COL27A1: variants seen among roughly 807,000 people sequenced by gnomAD.
COL27A1 encodes collagen type XXVII alpha 1 chain, also known as collagen alpha-1(XXVII) chain.
COL27A1 carries 106 observed loss-of-function variants against 251.3 expected under a neutral mutation model. That is an observed-to-expected ratio of 0.42 (90% confidence interval 0.36 to 0.50). The LOEUF is 0.50. Among genes scored for constraint, COL27A1 ranks in the 20% least tolerant of loss-of-function variants. The probability of loss-of-function intolerance (pLI) is 0.00; values close to 1 mark genes in which losing one functional copy is unlikely to be tolerated. For synonymous variants in COL27A1, 1,000 were observed against 986.3 expected (o/e 1.01, Z -0.26); for missense variants, 2,325 against 2,522.8 (o/e 0.92, Z 1.68).
chr9:114,310,761 C>G lies in COL27A1; in HGVS notation c.*66C>G. The G allele has an allele frequency of 6.4e-7, 1 of 1,569,652 alleles. No homozygotes were observed. The highest frequency in any genetic ancestry group is 1.1e-5 in the South Asian group (1 of 88,776). On this transcript the variant is annotated 3_prime_UTR_variant, in exon 61 of 61. Coordinates refer to ENST00000356083, the MANE Select transcript of COL27A1 (RefSeq NM_032888.4). ...AAGAGGAAGAGGCAAGGGGAGGGTA[C>G]TGAGGGGCAGATGGCTCCAGGAGAG... is the stretch of plus-strand genomic sequence containing the variant.
intron 10 of COL27A1, among the ~76,000 whole-genome samples, chr9:114,208,878 G>A (rs1166364930): frequency 2.0e-5 from 3 of 152,224 alleles, no homozygotes; most frequent in African/African-American, 7.2e-5. Context: ...AAGTCATGAG[G>A]GATGGGAAGG....
At chr9:114,158,077 C>T (rs1234429394) in intron 1 of COL27A1, among the ~76,000 whole-genome samples, 1 of 152,194 alleles carries the variant, frequency 6.6e-6, no homozygotes, top group African/African-American at 2.4e-5. Context: ...GAAGAAAGCC[C>T]AGGCATAGCC....
chr9:114,293,888 A>G (rs976169502), intron 49 of COL27A1, among the ~76,000 whole-genome samples: 14 of 152,204 alleles, frequency 9.2e-5, no homozygotes, highest in Non-Finnish European at 1.8e-4. Context: ...AGCTTCCCAC[A>G]AAGGAAACTC....
intron 28 of COL27A1, among the ~76,000 whole-genome samples, chr9:114,262,831 C>T (rs1834440634): frequency 2.0e-5 from 3 of 152,038 alleles, no homozygotes; most frequent in Non-Finnish European, 2.9e-5. Context: ...CAGTGGGGTG[C>T]TCTTTAAGGC....
At position 114,168,708 on chromosome 9, in the gene COL27A1, C is replaced by T. The variant is rs1434809948; in HGVS notation, c.1153C>T (p.Pro385Ser). 1.9e-6 allele frequency: 3 copies of T among 1,614,098 alleles called. No homozygotes were observed. In the East Asian group the frequency reaches 6.7e-5, roughly 36 times the overall value. ...TACTTCAATTGTGCCCATCAAAAGC[C>T]CCCATCCTACCCAGAAAACAGCTCC... is the stretch of plus-strand genomic sequence containing the variant. The part of the protein sequence containing the change: ...PSTSIVPIKS[P>S]HPTQKTAPSS... The change falls in exon 3 of 61, where the codon CCC (proline) becomes TCC (serine). Residue 385 changes from proline to serine, a missense_variant. Around this residue, in one of 4 missense-constraint regions of COL27A1, gnomAD observed 1,183 missense variants for 1,144.1 expected, o/e 1.03. Transcript: ENST00000356083.
intron 7 of COL27A1, among the ~76,000 whole-genome samples, chr9:114,202,307 G>A (rs1432937022): frequency 6.6e-6 from 1 of 152,164 alleles, no homozygotes; most frequent in Non-Finnish European, 1.5e-5. Context: ...ATGGCCAAGG[G>A]CCCCCTGGAC....
chr9:114,186,431 C>T (rs892305215), intron 5 of COL27A1, among the ~76,000 whole-genome samples: 2 of 152,140 alleles, frequency 1.3e-5, no homozygotes, highest in Non-Finnish European at 2.9e-5. Flanking sequence ...TAGAGGTGAG[C>T]GAGAAAGCAA....
At chr9:114,183,215 G>C (rs950268585) in intron 5 of COL27A1, 140 bp downstream of exon 5, 1 of 781,214 alleles carries the variant, frequency 1.3e-6, no homozygotes, top group African/African-American at 1.7e-5. Context: ...CACCCTCTGG[G>C]CCCCTTTCCA....
chr9:114,183,628 G>GT (rs994627188), intron 5 of COL27A1, among the ~76,000 whole-genome samples: 6 of 152,100 alleles, frequency 3.9e-5, no homozygotes, highest in African/African-American at 1.4e-4. Context: ...ACACCAGACA[G>GT]TTTTTACCTC....
rs971608295 is a variant in COL27A1, at chr9:114,205,921, G to A, written c.2223+109G>A. On this transcript the variant is annotated intron_variant, in intron 9 of 60. Coordinates refer to ENST00000356083, the MANE Select transcript of COL27A1 (RefSeq NM_032888.4). ...GGCTGGGGGCCAAGGAGCTGCACCT[G>A]CTGGGTGGACCCTAAGGAGGGGGCT... 83 of 999,826 alleles carry A rather than the reference G, an allele frequency of 8.3e-5. No homozygotes were observed. The East Asian group carries it at 1.9e-3, about 23-fold the overall frequency. 61.9% of individuals were successfully genotyped at this position (999,826 alleles called of 1,614,324 possible).
chr9:114,230,984 C>T, intron 14 of COL27A1, 95 bp from the exon 15 acceptor site: 1 of 1,018,630 alleles, frequency 9.8e-7, no homozygotes, highest in African/African-American at 1.6e-5. Context: ...CTTTGGAAGC[C>T]CAGGCCCAGG....
At chr9:114,284,281 A>C (rs114407519) in intron 40 of COL27A1, among the ~76,000 whole-genome samples, 2,519 of 152,302 alleles carry the variant, frequency 0.017, 68 homozygotes, top group African/African-American at 0.057. Context: ...GTCTGGAAGA[A>C]ATGCAGCAGG....
intron 28 of COL27A1, among the ~76,000 whole-genome samples, chr9:114,264,090 G>A (rs1834548523): frequency 6.6e-6 from 1 of 152,328 alleles, no homozygotes; most frequent in South Asian, 2.1e-4. Context: ...AGGTCTCTCT[G>A]AACAGGGCCA....
intron 28 of COL27A1, among the ~76,000 whole-genome samples, chr9:114,263,985 G>C (rs969090162): frequency 1.3e-5 from 2 of 152,254 alleles, no homozygotes; most frequent in African/African-American, 4.8e-5. Flanking sequence ...TGGCAGCAGA[G>C]TCTGAAGAGT....
chr9:114,162,851 G>A, intron 2 of COL27A1, 66 bp downstream of exon 2: 1 of 1,162,122 alleles, frequency 8.6e-7, no homozygotes, highest in Admixed American at 1.8e-5. Flanking sequence ...AGAACTCAGG[G>A]GTAGGAGACA....
chr9:114,165,299 C>T (rs1848752680), intron 2 of COL27A1, among the ~76,000 whole-genome samples: 1 of 152,152 alleles, frequency 6.6e-6, no homozygotes, highest in South Asian at 2.1e-4. Flanking sequence ...CATTCATCCA[C>T]CCATTCATCT....
At position 114,290,281 on chromosome 9, in the gene COL27A1, A is replaced by G. The variant is rs747819283; in HGVS notation, c.4318A>G (p.Ile1440Val). The G allele has an allele frequency of 3.2e-6, 5 of 1,581,928 alleles. No individual in the cohort carries two copies. Among genetic ancestry groups the G allele is most frequent in the East Asian group, 2.3e-5 (1 of 43,802 alleles). The change falls in exon 47 of 61, where the codon ATC becomes GTC. Residue 1440 changes from isoleucine to valine, a missense_variant. By Grantham distance (29) the Ile-to-Val change is conservative. Around this residue, in one of 4 missense-constraint regions of COL27A1, gnomAD observed 153 missense variants for 140.7 expected, o/e 1.09. Transcript: ENST00000356083. The surrounding 1 kb of genome is among the most constrained non-coding windows in gnomAD (Gnocchi z 4.6). ...GVVGRQGLEGIAGPDGLPGRD... is the reference protein window; with the variant it reads ...GVVGRQGLEGVAGPDGLPGRD... ...GGTGGGGAGACAGGGCCTCGAGGGC[A>G]TCGCTGGACCAGATGGGCTTCCTGG... is the stretch of plus-strand genomic sequence containing the variant.
intron 5 of COL27A1, among the ~76,000 whole-genome samples, chr9:114,187,448 AG>A (rs1828442158): frequency 6.6e-6 from 1 of 152,256 alleles, no homozygotes; most frequent in Non-Finnish European, 1.5e-5. Context: ...TGTACTTTGC[AG>A]GGCAGGTATT....
At chr9:114,175,924 A>T (rs1449119343) in intron 3 of COL27A1, among the ~76,000 whole-genome samples, 2 of 152,216 alleles carry the variant, frequency 1.3e-5, no homozygotes, top group African/African-American at 4.8e-5. Context: ...TCCGCAACTC[A>T]GGAAATGCCA....
Sources: gnomAD v4.1 joint callset for allele counts (sites outside exome capture counted in the v4.1 genomes callset) on GRCh38, gnomAD v4.1.1 for gene constraint, gnomAD v4.1.1 regional missense constraint, Gnocchi (gnomAD v3.1) non-coding constraint, MANE v1.5 for transcripts, NCBI Gene and HGNC (gene_info 2026-07-23, HGNC 2026-07-21) for gene names.